IGFBP5: variants seen among roughly 807,000 people sequenced by gnomAD.
IGFBP5 encodes insulin like growth factor binding protein 5.
A neutral mutation model predicts 28.0 loss-of-function variants in IGFBP5; 12 were observed. That is an observed-to-expected ratio of 0.43 (90% CI 0.27 to 0.69). The LOEUF (loss-of-function observed/expected upper bound fraction) is 0.69, where lower values mean the gene tolerates loss of function less well. Among genes scored for constraint, IGFBP5 ranks in the 30% least tolerant of loss-of-function variants. The pLI is 0.20. For missense variants in IGFBP5, 344 were observed against 381.6 expected, an observed-to-expected ratio of 0.90 and a Z score of 0.82; for synonymous variants, 152 against 150.2, an observed-to-expected ratio of 1.01 and a Z score of -0.09.
At chr2:216,689,185 A>T (rs1328877058) in intron 1 of IGFBP5, among the ~76,000 whole-genome samples, 1 of 152,088 alleles carries the variant, frequency 6.6e-6, no homozygotes, top group African/African-American at 2.4e-5. Flanking sequence ...CTTCTGCACC[A>T]TGTTCTTCAA....
chr2:216,694,578 C>T lies in IGFBP5; in HGVS notation c.198G>A (p.Ser66=), dbSNP rs911560711. The part of the protein sequence containing the change: ...CMTCALAEGQ[S]CGVYTERCAQ... The stretch of plus-strand genomic sequence containing the variant: ...CGCAGCGCTCGGTGTAGACGCCGCA[C>T]GACTGCCCCTCGGCCAGGGCGCAGG... The change falls in exon 1 of 4, where the codon TCG becomes TCA. Residue 66 remains serine (S), a synonymous_variant. Coordinates refer to ENST00000233813, the MANE Select transcript of IGFBP5 (RefSeq NM_000599.4). The surrounding 1 kb of genome is among the most constrained non-coding windows in gnomAD (Gnocchi z 5.2). The T allele has an allele frequency of 3.2e-6, 5 of 1,555,178 alleles. No individual in the cohort carries two copies. The highest frequency in any genetic ancestry group is 2.4e-5 in the East Asian group (1 of 42,174).
At chr2:216,678,744 G>T in intron 2 of IGFBP5, 106 bp downstream of exon 2, 2 of 896,056 alleles carry the variant, frequency 2.2e-6, no homozygotes, top group Non-Finnish European at 3.4e-6. Context: ...TGGGCTGTAG[G>T]TCCTCTGCTG....
At chr2:216,693,059 T>G (rs1689119667) in intron 1 of IGFBP5, among the ~76,000 whole-genome samples, 1 of 152,094 alleles carries the variant, frequency 6.6e-6, no homozygotes, top group Admixed American at 6.5e-5. Context: ...CTACGCCAAA[T>G]AAACATTGTT....
chr2:216,678,665 C>A, intron 2 of IGFBP5, 185 bp downstream of exon 2: 1 of 607,906 alleles, frequency 1.6e-6, no homozygotes, highest in Non-Finnish European at 2.9e-6. Context: ...CTTACTTGCA[C>A]AAGCCCTTGG....
rs750736255 is a variant in IGFBP5 at position 216,679,122 on chromosome 2, G to C, written c.338-43C>G. ...GGAGGGTCAGCCCCCGTGGGCCAAG[G>C]TGCACACGGCCAGAGCCCAGGGCTG... On this transcript the variant is annotated intron_variant, in intron 1 of 3. Transcript: ENST00000233813. The surrounding 1 kb of genome is among the most constrained non-coding windows in gnomAD (Gnocchi z 4.6). The C allele has an allele frequency of 6.5e-7, 1 of 1,543,170 alleles. No homozygotes were observed. The highest frequency in any genetic ancestry group is 9.0e-7 in the Non-Finnish European group (1 of 1,116,082).
rs1472929867 is a variant in IGFBP5 at position 216,675,687 on chromosome 2, T to G, written c.*1064A>C. On this transcript the variant is annotated 3_prime_UTR_variant, in exon 4 of 4. Transcript: ENST00000233813. ...ATGAGGAAGCTCCTCAATGCCCCTA[T>G]AGGAACTACTTTGAAAAGTTAATGC... is the stretch of plus-strand genomic sequence containing the variant. The G allele has an allele frequency of 6.6e-6, 1 of 152,026 alleles. No homozygotes were observed. Among genetic ancestry groups the G allele is most frequent in the African/African-American group, 2.4e-5 (1 of 41,380 alleles). 9.4% of individuals were successfully genotyped at this position (152,026 alleles called of 1,614,324 possible). A position where few individuals can be genotyped will look rare whatever the true frequency, so the allele number is the denominator to read the frequency against.
chr2:216,682,865 T>C (rs899695896), intron 1 of IGFBP5, among the ~76,000 whole-genome samples: 50 of 152,050 alleles, frequency 3.3e-4, no homozygotes, highest in Admixed American at 1.2e-3. Flanking sequence ...CCCGCCACCA[T>C]GCCCGGCTAA....
Position 216,678,895 on chromosome 2 carries a change from G to A in IGFBP5, c.522C>T (p.His174=), listed in dbSNP as rs766411584. 1.4e-5 allele frequency: 22 copies of A among 1,614,210 alleles called. No individual in the cohort carries two copies. The highest frequency in any genetic ancestry group is 1.8e-5 in the Non-Finnish European group (21 of 1,180,042). Reference sequence around the variant, plus strand: ...TCTCAGGTGCAGAGATGATCCGGGGGTGGGCAGTGTTCTCGGCTCCCCCGA... The same window carrying A: ...TCTCAGGTGCAGAGATGATCCGGGGATGGGCAGTGTTCTCGGCTCCCCCGA... ...KFVGGAENTA[H]PRIISAPEMR... The change falls in exon 2 of 4, where the codon CAC becomes CAT. Residue 174 remains histidine, a synonymous_variant. Transcript: ENST00000233813.
chr2:216,677,278 A>C (rs1688914826), intron 3 of IGFBP5, among the ~76,000 whole-genome samples: 1 of 152,048 alleles, frequency 6.6e-6, no homozygotes. Flanking sequence ...GAGTTCCCCC[A>C]ACGTGAAACT....
At chr2:216,676,981 C>T in intron 3 of IGFBP5, 99 bp from the exon 4 acceptor site, 1 of 1,364,304 alleles carries the variant, frequency 7.3e-7, no homozygotes, top group Non-Finnish European at 1.0e-6. Context: ...AGACTCTCAT[C>T]CCCAGAGAGT....
chr2:216,684,317 C>T (rs1045116796), intron 1 of IGFBP5, among the ~76,000 whole-genome samples: 1 of 152,228 alleles, frequency 6.6e-6, no homozygotes, highest in Admixed American at 6.5e-5. Context: ...CCCCCGCCCC[C>T]GGACCTCTTA....
Position 216,694,300 on chromosome 2 carries a change from G to T in IGFBP5, c.337+139C>A. ...GGATCCTCCAGGGCTCCAATTCCGG[G>T]GTGCAAGGACCCTCCCCGACTACTC... is the stretch of plus-strand genomic sequence containing the variant. On this transcript the variant is annotated intron_variant, in intron 1 of 3. Coordinates refer to ENST00000233813, the MANE Select transcript of IGFBP5 (RefSeq NM_000599.4). The surrounding 1 kb of genome is among the most constrained non-coding windows in gnomAD (Gnocchi z 5.2). The T allele has an allele frequency of 1.5e-6, 1 of 651,744 alleles. No individual in the cohort carries two copies. The highest frequency in any genetic ancestry group is 2.5e-6 in the Non-Finnish European group (1 of 403,926). 40.4% of individuals were successfully genotyped at this position (651,744 alleles called of 1,614,324 possible). A position where few individuals can be genotyped will look rare whatever the true frequency, so the allele number is the denominator to read the frequency against.
Position 216,678,969 on chromosome 2 carries a change from C to T in IGFBP5, c.448G>A (p.Glu150Lys). Residue 150 changes from glutamate (E) to lysine (K), a missense_variant, in exon 2 of 4, where the codon GAA (glutamate) becomes AAA (lysine). Around this residue, in one of 3 missense-constraint regions of IGFBP5, gnomAD observed 304 missense variants for 329.2 expected, o/e 0.92. Transcript: ENST00000233813. ...TTTCTGCGGTCCTTCTTCACTGCTT[C>T]AGCCTTCAGCTCGGAGATGCGGGTG... ...KHTRISELKA[E>K]AVKKDRRKKL... is the part of the protein sequence containing the mutation. 6.2e-7 allele frequency: 1 copy of T among 1,614,190 alleles called. No homozygotes were observed. The highest frequency in any genetic ancestry group is 8.5e-7 in the Non-Finnish European group (1 of 1,180,052).
chr2:216,683,225 A>G (rs1469385165), intron 1 of IGFBP5, among the ~76,000 whole-genome samples: 1 of 152,108 alleles, frequency 6.6e-6, no homozygotes, highest in Admixed American at 6.5e-5. Flanking sequence ...GGAGGCTGAG[A>G]CCGGAGGATT....
intron 1 of IGFBP5, among the ~76,000 whole-genome samples, chr2:216,685,598 C>T (rs1689025253): frequency 6.6e-6 from 1 of 152,190 alleles, no homozygotes; most frequent in Non-Finnish European, 1.5e-5. Context: ...CCCTACAACA[C>T]AAGGCTGGTG....
chr2:216,683,163 A>C lies in IGFBP5; in HGVS notation c.338-4084T>G, dbSNP rs895831647. The stretch of plus-strand genomic sequence containing the variant: ...GTGAAACCCCGTCTCTACAAAAAAA[A>C]CACAAAAATTAGCTGGGCATAGAGG... On this transcript the variant is annotated intron_variant, in intron 1 of 3. Transcript: ENST00000233813. Among the ~76,000 whole-genome samples, 11 of 152,298 alleles carry C rather than the reference A, an allele frequency of 7.2e-5. No individual in the cohort carries two copies. The East Asian group carries it at 1.4e-3, about 19-fold the overall frequency.
rs1353001245 is a variant in IGFBP5, at chr2:216,695,302, G to A, written c.-527C>T. 1 of 152,294 alleles carries A rather than the reference G, an allele frequency of 6.6e-6. No homozygotes were observed. The highest frequency in any genetic ancestry group is 2.4e-5 in the African/African-American group (1 of 41,404). 9.4% of individuals were successfully genotyped at this position (152,294 alleles called of 1,614,324 possible). A position where few individuals can be genotyped will look rare whatever the true frequency, so the allele number is the denominator to read the frequency against. ...AAGAGGCGTTGGCTGCAGCCGAGAG[G>A]GTGGGAGAAAATGTTGAAATCAAGA... is the stretch of plus-strand genomic sequence containing the variant. On this transcript the variant is annotated 5_prime_UTR_variant, in exon 1 of 4. Transcript: ENST00000233813.
At chr2:216,690,793 AAG>A (rs1689085878) in intron 1 of IGFBP5, among the ~76,000 whole-genome samples, 1 of 150,288 alleles carries the variant, frequency 6.7e-6, no homozygotes, top group African/African-American at 2.4e-5. Context: ...AAAGGGGAAA[AAG>A]AGAAATGGAA....
rs748653178 is a variant in IGFBP5 at position 216,675,665 on chromosome 2, A to G, written c.*1086T>C. ...GGGTTTTCTCAGTTTTCCCAGAATG[A>G]GGAAGCTCCTCAATGCCCCTATAGG... On this transcript the variant is annotated 3_prime_UTR_variant, in exon 4 of 4. Transcript: ENST00000233813. The G allele has an allele frequency of 6.6e-6, 1 of 152,206 alleles. No individual in the cohort carries two copies. The highest frequency in any genetic ancestry group is 1.5e-5 in the Non-Finnish European group (1 of 68,042). 9.4% of individuals were successfully genotyped at this position (152,206 alleles called of 1,614,324 possible). A position where few individuals can be genotyped will look rare whatever the true frequency, so the allele number is the denominator to read the frequency against.
Sources: gnomAD v4.1 joint callset for allele counts (sites outside exome capture counted in the v4.1 genomes callset) on GRCh38, gnomAD v4.1.1 for gene constraint, gnomAD v4.1.1 regional missense constraint, Gnocchi (gnomAD v3.1) non-coding constraint, MANE v1.5 for transcripts, NCBI Gene and HGNC (gene_info 2026-07-23, HGNC 2026-07-21) for gene names.